Variants in NCOR1 observed in about 807,000 individuals in gnomAD.
The protein encoded by NCOR1 is nuclear receptor corepressor 1, also known as protein phosphatase 1, regulatory subunit 109.
In NCOR1, 63 loss-of-function variants were observed where a neutral mutation model predicts 288.1. The observed-to-expected ratio is 0.22, with a 90% CI of 0.18 to 0.27. NCOR1 has a LOEUF of 0.27. NCOR1 is among the 10% of genes least tolerant of loss of function. The probability of loss-of-function intolerance (pLI) is 1.00; values close to 1 mark genes in which losing one functional copy is unlikely to be tolerated. For synonymous variants in NCOR1, 1,007 were observed against 1,065.9 expected (o/e 0.94, Z 1.08); for missense variants, 2,397 against 3,019.2 (o/e 0.79, Z 4.83).
At chr17:16,195,850 CTATGTT>C (rs2089662235) in intron 1 of NCOR1, among the ~76,000 whole-genome samples, 1 of 152,062 alleles carries the variant, frequency 6.6e-6, no homozygotes, top group Non-Finnish European at 1.5e-5. Flanking sequence ...ACATGATTAT[CTATGTT>C]TATGTTTCAG....
intron 20 of NCOR1, among the ~76,000 whole-genome samples, chr17:16,100,190 A>G (rs2067351253): frequency 6.6e-6 from 1 of 152,226 alleles, no homozygotes; most frequent in South Asian, 2.1e-4. Flanking sequence ...TAAGTGATTC[A>G]ATGTCTTTTA....
intron 6 of NCOR1, among the ~76,000 whole-genome samples, chr17:16,156,529 G>T (rs1052150702): frequency 6.6e-6 from 1 of 151,188 alleles, no homozygotes; most frequent in Non-Finnish European, 1.5e-5. Flanking sequence ...AAAGAAAGGA[G>T]AGGGTGGAGA....
intron 26 of NCOR1, among the ~76,000 whole-genome samples, chr17:16,078,153 T>C (rs998909866): frequency 6.6e-6 from 1 of 152,192 alleles, no homozygotes; most frequent in African/African-American, 2.4e-5. Context: ...CGTAGAGCAT[T>C]TTGCAAGAGA....
chr17:16,041,646 C>T (rs1002853586), intron 42 of NCOR1, among the ~76,000 whole-genome samples: 1 of 152,012 alleles, frequency 6.6e-6, no homozygotes, highest in Non-Finnish European at 1.5e-5. Context: ...AACTCCTGAC[C>T]TCAGGTGATC....
intron 1 of NCOR1, among the ~76,000 whole-genome samples, chr17:16,211,109 G>A (rs34459238): frequency 6.6e-6 from 1 of 152,026 alleles, no homozygotes; most frequent in Non-Finnish European, 1.5e-5. Flanking sequence ...TAATAGATAC[G>A]AAAAGACTTA....
rs1350236496 is a variant in NCOR1, at chr17:16,136,212, G to T, written c.1509+1099C>A. Among the ~76,000 whole-genome samples the T allele has an allele frequency of 5.3e-5, 8 of 152,218 alleles. 1 individual carries two copies. Among genetic ancestry groups the T allele is most frequent in the Admixed American group, 4.6e-4 (7 of 15,290 alleles). ...CCTTTTTTATTTTTTGGAGACAGAGGTCTTGCTCTGTCACTCAGGCTGGAG... is the reference window on the plus strand; with the variant it reads ...CCTTTTTTATTTTTTGGAGACAGAGTTCTTGCTCTGTCACTCAGGCTGGAG... On this transcript the variant is annotated intron_variant, in intron 14 of 45. Coordinates refer to ENST00000268712, the MANE Select transcript of NCOR1 (RefSeq NM_006311.4).
intron 42 of NCOR1, among the ~76,000 whole-genome samples, chr17:16,044,214 C>T (rs1272057664): frequency 6.6e-6 from 1 of 151,080 alleles, no homozygotes; most frequent in Non-Finnish European, 1.5e-5. Context: ...TATCTGTAAG[C>T]CTGATAACAA....
chr17:16,030,354 GTGT>G lies in NCOR1; in HGVS notation c.*1939_*1941del, dbSNP rs1376797403. 1.4e-5 allele frequency: 3 copies of G among 218,570 alleles called. No homozygotes were observed. Among genetic ancestry groups the G allele is most frequent in the Admixed American group, 5.8e-5 (1 of 17,230 alleles). The allele number at this position is 218,570 out of a possible 1,614,324, so 13.5% of individuals were successfully genotyped here. A position where few individuals can be genotyped will look rare whatever the true frequency, so the allele number is the denominator to read the frequency against. ...AAGTGGACCCACACAGTTCAAACCC[GTGT>G]TGTTCAAGGGTCAACTGTATTCTGA... is the stretch of plus-strand genomic sequence containing the variant. On this transcript the variant is annotated 3_prime_UTR_variant, in exon 46 of 46. Coordinates refer to ENST00000268712, the MANE Select transcript of NCOR1 (RefSeq NM_006311.4).
chr17:16,212,188 C>T (rs968654985), intron 1 of NCOR1, among the ~76,000 whole-genome samples: 4 of 151,928 alleles, frequency 2.6e-5, no homozygotes, highest in African/African-American at 9.7e-5. Context: ...TCACTTGAAC[C>T]TGGGAAGCTG....
chr17:16,046,897 A>C (rs767357501), intron 42 of NCOR1, 54 bp downstream of exon 42: 1 of 1,594,586 alleles, frequency 6.3e-7, no homozygotes, highest in Non-Finnish European at 8.6e-7. Context: ...AACACTGGAG[A>C]TATCATTATT....
At chr17:16,141,706 G>T (rs776053302) in intron 11 of NCOR1, among the ~76,000 whole-genome samples, 1 of 152,158 alleles carries the variant, frequency 6.6e-6, no homozygotes, top group Non-Finnish European at 1.5e-5. Flanking sequence ...TTTTTCATGA[G>T]ATCAAGCAAC....
At chr17:16,206,473 C>T (rs994273727) in intron 1 of NCOR1, among the ~76,000 whole-genome samples, 6 of 152,174 alleles carry the variant, frequency 3.9e-5, no homozygotes, top group African/African-American at 1.2e-4. Context: ...GCAACCTCCA[C>T]CTCCCAGTTT....
intron 2 of NCOR1, among the ~76,000 whole-genome samples, chr17:16,187,120 G>A (rs2086816467): frequency 6.6e-6 from 1 of 151,734 alleles, no homozygotes; most frequent in Admixed American, 6.6e-5. Context: ...CAACCTGCTA[G>A]TTAAGAGTAG....
intron 10 of NCOR1, among the ~76,000 whole-genome samples, chr17:16,144,627 AGTAT>A (rs2077593215): frequency 6.6e-6 from 1 of 151,924 alleles, no homozygotes; most frequent in South Asian, 2.1e-4. Flanking sequence ...AATAGGCCCC[AGTAT>A]GTGTTGTTCC....
At chr17:16,067,108 C>T (rs1598122802) in intron 32 of NCOR1, among the ~76,000 whole-genome samples, 3 of 152,304 alleles carry the variant, frequency 2.0e-5, no homozygotes, top group African/African-American at 7.2e-5. Context: ...CTGTACCAAC[C>T]GATGTGACTG....
intron 18 of NCOR1, among the ~76,000 whole-genome samples, chr17:16,109,946 C>A (rs553158471): frequency 2.6e-5 from 4 of 152,294 alleles, no homozygotes; most frequent in African/African-American, 9.6e-5. Context: ...CTTGGCCAGG[C>A]TGGTCTTGAA....
intron 1 of NCOR1, chr17:16,198,088 T>G (rs969862673): frequency 2.6e-5 from 4 of 151,970 alleles, no homozygotes; most frequent in African/African-American, 9.7e-5. Flanking sequence ...CCAGGCGCGG[T>G]GGCTCACACC....
intron 16 of NCOR1, among the ~76,000 whole-genome samples, chr17:16,120,465 T>C (rs2072761791): frequency 6.6e-6 from 1 of 152,116 alleles, no homozygotes; most frequent in Admixed American, 6.6e-5. Flanking sequence ...AACTGCATTT[T>C]CTTTCATACT....
intron 4 of NCOR1, among the ~76,000 whole-genome samples, chr17:16,165,647 G>A (rs2081882968): frequency 6.6e-6 from 1 of 152,142 alleles, no homozygotes; most frequent in Admixed American, 6.5e-5. Context: ...CAAAACTGAG[G>A]TACACAAGTC....
Sources: allele counts gnomAD v4.1 joint callset (sites outside exome capture counted in the v4.1 genomes callset), GRCh38; gene constraint gnomAD v4.1.1; transcripts MANE v1.5; gene names NCBI Gene and HGNC (gene_info 2026-07-23, HGNC 2026-07-21).